Variants in S100Z observed in about 807,000 individuals in gnomAD.
S100Z encodes protein S100-Z.
In S100Z, 11 loss-of-function variants were observed where a neutral mutation model predicts 8.5. The observed-to-expected ratio is 1.30, with a 90% CI of 0.82 to 2.15. The LOEUF (loss-of-function observed/expected upper bound fraction) is 2.15, where lower values mean the gene tolerates loss of function less well. S100Z is among the 30% of genes most tolerant of loss of function. The pLI, the probability that S100Z is intolerant of heterozygous loss-of-function variation, is 0.00. For missense variants in S100Z, 126 were observed against 117.9 expected, an observed-to-expected ratio of 1.07 and a Z score of -0.32; for synonymous variants, 34 against 43.8, an observed-to-expected ratio of 0.78 and a Z score of 0.89.
the S100Z span, among the ~76,000 whole-genome samples, chr5:76,941,626 T>C: frequency 6.6e-6 from 1 of 152,240 alleles, no homozygotes; most frequent in Admixed American, 6.5e-5. Context: ...ATACTACCAA[T>C]GTGATTCATC....
chr5:76,938,051 G>A, the S100Z span, among the ~76,000 whole-genome samples: 2 of 151,954 alleles, frequency 1.3e-5, no homozygotes, highest in Non-Finnish European at 2.9e-5. Flanking sequence ...CCGAGATCGC[G>A]CCACTGCACT....
chr5:76,910,426 C>T (rs138790831), intron 4 of S100Z, among the ~76,000 whole-genome samples: 2,167 of 152,174 alleles, frequency 0.014, 59 homozygotes, highest in East Asian at 0.11. Context: ...AGAGAAAGGC[C>T]GCAGCCTTAG....
the S100Z span, among the ~76,000 whole-genome samples, chr5:76,950,630 G>A: frequency 1.3e-5 from 2 of 152,110 alleles, no homozygotes; most frequent in South Asian, 4.1e-4. Context: ...GAAGCTATCT[G>A]GAAAAATATG....
At chr5:76,937,603 A>T in the S100Z span, among the ~76,000 whole-genome samples, 1 of 151,908 alleles carries the variant, frequency 6.6e-6, no homozygotes, top group Non-Finnish European at 1.5e-5. Context: ...CATAAAAAAA[A>T]ATAGCTGGAT....
chr5:76,945,919 C>T, the S100Z span, among the ~76,000 whole-genome samples: 1 of 152,174 alleles, frequency 6.6e-6, no homozygotes, highest in Non-Finnish European at 1.5e-5. Flanking sequence ...CGAGAAATAC[C>T]CACAGGTGTG....
downstream of S100Z, among the ~76,000 whole-genome samples, chr5:76,925,439 C>T (rs1241474799): frequency 6.6e-6 from 1 of 152,174 alleles, no homozygotes; most frequent in Admixed American, 6.5e-5. Flanking sequence ...CACACTCAGT[C>T]CTCTACTCCA....
chr5:76,884,189 C>T (rs1341769295), intron 4 of S100Z, among the ~76,000 whole-genome samples: 2 of 152,200 alleles, frequency 1.3e-5, no homozygotes, highest in East Asian at 3.9e-4. Context: ...AGGGTTGCTG[C>T]TAAGAGGGCC....
the S100Z span, among the ~76,000 whole-genome samples, chr5:76,945,893 C>A: frequency 6.6e-6 from 1 of 152,192 alleles, no homozygotes; most frequent in African/African-American, 2.4e-5. Context: ...TTTTCTCAGT[C>A]TCTCATCCCA....
At position 76,874,598 on chromosome 5, in the gene S100Z, C is replaced by T. The variant is rs1253654133; in HGVS notation, c.-56-706C>T. Among the ~76,000 whole-genome samples, 12 of 152,246 alleles carry T rather than the reference C, an allele frequency of 7.9e-5. No individual in the cohort carries two copies. The East Asian group carries it at 1.7e-3, about 22-fold the overall frequency. On this transcript the variant is annotated intron_variant, in intron 2 of 4. Coordinates refer to ENST00000317593, the MANE Select transcript of S100Z (RefSeq NM_130772.4). ...AACAGGTGTGCTGGGGAGAACGTTT[C>T]CCCCTCCCCCACGTATAAATGCTTA...
chr5:76,875,634 T>C (rs748526888), intron 3 of S100Z, 134 bp downstream of exon 3: 5 of 763,682 alleles, frequency 6.5e-6, no homozygotes, highest in African/African-American at 1.8e-5. Flanking sequence ...ATTCAAAATA[T>C]AGGGGAAGCA....
intron 4 of S100Z, among the ~76,000 whole-genome samples, chr5:76,888,185 A>G (rs978863961): frequency 2.0e-5 from 3 of 151,130 alleles, no homozygotes; most frequent in African/African-American, 7.3e-5. Flanking sequence ...GGAACCCAGG[A>G]GGCAGAGGTT....
chr5:76,928,199 G>A, the S100Z span, among the ~76,000 whole-genome samples: 2 of 152,228 alleles, frequency 1.3e-5, no homozygotes, highest in Admixed American at 6.5e-5. Flanking sequence ...ATAAATTACA[G>A]CTTTTTGGTC....
the S100Z span, among the ~76,000 whole-genome samples, chr5:76,951,340 C>T: frequency 1.2e-4 from 18 of 152,302 alleles, no homozygotes; most frequent in Admixed American, 1.2e-3. Flanking sequence ...TGCACATGTG[C>T]ATATGCTTGT....
the S100Z span, among the ~76,000 whole-genome samples, chr5:76,944,194 C>T: frequency 6.6e-6 from 1 of 152,160 alleles, no homozygotes; most frequent in Non-Finnish European, 1.5e-5. Context: ...GAGGTTTTAC[C>T]ATTGAACCCT....
At chr5:76,851,851 A>G (rs2150616030) in intron 1 of S100Z, among the ~76,000 whole-genome samples, 1 of 152,320 alleles carries the variant, frequency 6.6e-6, no homozygotes, top group East Asian at 1.9e-4. Context: ...AACGAGATGT[A>G]AAGTAGAGGA....
intron 4 of S100Z, among the ~76,000 whole-genome samples, chr5:76,884,345 G>C: frequency 6.6e-6 from 1 of 152,222 alleles, no homozygotes; most frequent in South Asian, 2.1e-4. Context: ...CTGCCTGATA[G>C]TTCCATTGGG....
At chr5:76,915,572 C>T (rs574116666) in intron 4 of S100Z, among the ~76,000 whole-genome samples, 4 of 151,916 alleles carry the variant, frequency 2.6e-5, no homozygotes, top group African/African-American at 9.7e-5. Flanking sequence ...CACACCACTG[C>T]ACTCCAGCCT....
At chr5:76,851,021 G>T (rs1750713351) in intron 1 of S100Z, among the ~76,000 whole-genome samples, 1 of 152,134 alleles carries the variant, frequency 6.6e-6, no homozygotes, top group Non-Finnish European at 1.5e-5. Context: ...GCCTAGAAGG[G>T]TGCTTGGCCC....
At chr5:76,878,147 A>G (rs766140054) in intron 4 of S100Z, 49 of 173,940 alleles carry the variant, frequency 2.8e-4, no homozygotes, top group Admixed American at 3.7e-4. Flanking sequence ...GAATTTGGCA[A>G]ATTTCTAAGA....
Sources: allele counts gnomAD v4.1 joint callset (sites outside exome capture counted in the v4.1 genomes callset), GRCh38; gene constraint gnomAD v4.1.1; transcripts MANE v1.5; gene names NCBI Gene and HGNC (gene_info 2026-07-23, HGNC 2026-07-21).